Variants in SYN3 observed in about 807,000 individuals in gnomAD.
SYN3 encodes synapsin III, also known as synapsin-3.
SYN3 carries 35 observed loss-of-function variants against 65.8 expected under a neutral mutation model. The ratio of observed to expected loss-of-function variants is 0.53; its 90% CI spans 0.41 to 0.70. The LOEUF (loss-of-function observed/expected upper bound fraction) is 0.70, where lower values mean the gene tolerates loss of function less well. Among genes scored for constraint, SYN3 ranks in the 30% least tolerant of loss-of-function variants. The pLI, the probability that SYN3 is intolerant of heterozygous loss-of-function variation, is 0.00. For missense variants in SYN3, 680 were observed against 749.0 expected (o/e 0.91, Z 1.08); for synonymous variants, 270 against 292.9 (o/e 0.92, Z 0.80).
intron 1 of SYN3, among the ~76,000 whole-genome samples, chr22:33,010,554 T>C (rs1030453668): frequency 2.0e-5 from 3 of 152,232 alleles, no homozygotes; most frequent in Non-Finnish European, 4.4e-5. Context: ...CTTACATTTA[T>C]TGATTGCTAT....
intron 6 of SYN3, among the ~76,000 whole-genome samples, chr22:32,831,173 G>A (rs1048463780): frequency 6.6e-6 from 1 of 152,160 alleles, no homozygotes; most frequent in Non-Finnish European, 1.5e-5. Flanking sequence ...CTTCAGGAGG[G>A]TGTGGGAGCC....
chr22:32,798,764 T>A (rs1404346331), intron 6 of SYN3, among the ~76,000 whole-genome samples: 3 of 139,614 alleles, frequency 2.1e-5, no homozygotes. Flanking sequence ...TGATCTCAGC[T>A]CACTGCAAGC....
Position 32,674,478 on chromosome 22 carries a change from G to A in SYN3, c.712-77742C>T, listed in dbSNP as rs967453487. 5.9e-5 allele frequency among the ~76,000 whole-genome samples: 9 copies of A among 152,320 alleles called. No individual in the cohort carries two copies. The East Asian group carries it at 1.5e-3, about 26-fold the overall frequency. Reference sequence around the variant, plus strand: ...CAGGTAATGCCTATCAGTGCTACCAGTTGCTAGAATAATGCCTGACACACA... The same window carrying A: ...CAGGTAATGCCTATCAGTGCTACCAATTGCTAGAATAATGCCTGACACACA... On this transcript the variant is annotated intron_variant, in intron 6 of 13. Transcript: ENST00000358763.
intron 9 of SYN3, among the ~76,000 whole-genome samples, chr22:32,537,639 A>C (rs778558616): frequency 2.0e-5 from 3 of 152,170 alleles, no homozygotes; most frequent in Non-Finnish European, 4.4e-5. Flanking sequence ...TGGTCTCCTA[A>C]TAATGCTTCC....
Position 32,556,269 on chromosome 22 carries a change from A to G in SYN3, c.775-14556T>C, listed in dbSNP as rs1449394962. Among the ~76,000 whole-genome samples, 3 of 152,236 alleles carry G rather than the reference A, an allele frequency of 2.0e-5. No individual in the cohort carries two copies. In the East Asian group the frequency reaches 5.8e-4, roughly 29 times the overall value. ...CCTAAATAACTACAATTACTTACTA[A>G]TGGGATGTATGTGCTTATTGGGCAG... On this transcript the variant is annotated intron_variant, in intron 7 of 13. Coordinates refer to ENST00000358763, the MANE Select transcript of SYN3 (RefSeq NM_003490.4).
At chr22:32,980,175 C>T (rs1316114609) in intron 3 of SYN3, among the ~76,000 whole-genome samples, 1 of 152,186 alleles carries the variant, frequency 6.6e-6, no homozygotes, top group Admixed American at 6.5e-5. Context: ...TTAATCCCCA[C>T]AATGATATAA....
At chr22:32,998,776 T>TAA (rs34372968) in intron 2 of SYN3, among the ~76,000 whole-genome samples, 6,812 of 81,676 alleles carry the variant, frequency 0.083, 894 homozygotes, top group African/African-American at 0.27. Context: ...ATAGAAATAG[T>TAA]AAAAAAAAAA....
At chr22:32,743,244 C>T (rs3827341) in intron 6 of SYN3, among the ~76,000 whole-genome samples, 85,063 of 151,976 alleles carry the variant, frequency 0.56, 24,150 homozygotes, top group East Asian at 0.68. Context: ...GGGAAGGGGG[C>T]GGCCTTGTGA....
intron 6 of SYN3, among the ~76,000 whole-genome samples, chr22:32,671,646 CAG>C (rs1358815201): frequency 1.1e-5 from 1 of 87,906 alleles, no homozygotes; most frequent in South Asian, 2.8e-4. Flanking sequence ...CGCTCTCACA[CAG>C]ATGCACACAC....
chr22:32,588,714 C>T (rs1199457160), intron 7 of SYN3, among the ~76,000 whole-genome samples: 1 of 152,078 alleles, frequency 6.6e-6, no homozygotes, highest in Non-Finnish European at 1.5e-5. Context: ...ATAGTAAATC[C>T]AGATTTAAAC....
chr22:32,933,974 G>A (rs1601725287), intron 3 of SYN3, among the ~76,000 whole-genome samples: 1 of 152,278 alleles, frequency 6.6e-6, no homozygotes, highest in Middle Eastern at 3.4e-3. Context: ...AGCAAACCGG[G>A]AGTACTTACG....
chr22:32,603,197 C>T (rs2059310191), intron 6 of SYN3, among the ~76,000 whole-genome samples: 1 of 151,946 alleles, frequency 6.6e-6, no homozygotes, highest in African/African-American at 2.4e-5. Flanking sequence ...CATCCTTTCC[C>T]TCCCCCATGT....
rs533248517 is a variant in SYN3, at chr22:32,893,056, C to T, written c.462-23931G>A. 1.7e-4 allele frequency among the ~76,000 whole-genome samples: 26 copies of T among 152,262 alleles called. No homozygotes were observed. The South Asian group carries it at 3.3e-3, about 19-fold the overall frequency. The stretch of plus-strand genomic sequence containing the variant: ...AAAATTAAAAAGATGGGCCCTGCTT[C>T]CTCTGGAGGCAACATGGTAGAATAG... On this transcript the variant is annotated intron_variant, in intron 4 of 13. Transcript: ENST00000358763.
intron 6 of SYN3, among the ~76,000 whole-genome samples, chr22:32,700,201 A>G (rs925976437): frequency 2.0e-5 from 3 of 152,202 alleles, no homozygotes; most frequent in Non-Finnish European, 2.9e-5. Flanking sequence ...GGGATTGACT[A>G]TGGAGACTAT....
At chr22:32,975,738 T>C (rs2052166613) in intron 3 of SYN3, among the ~76,000 whole-genome samples, 1 of 152,248 alleles carries the variant, frequency 6.6e-6, no homozygotes, top group Non-Finnish European at 1.5e-5. Context: ...GCAAATGTAA[T>C]TTCATAAGTC....
chr22:32,904,638 A>G (rs2049853759), intron 4 of SYN3, among the ~76,000 whole-genome samples: 1 of 152,300 alleles, frequency 6.6e-6, no homozygotes, highest in East Asian at 1.9e-4. Context: ...ACCATCTTCC[A>G]AACAGGCAGA....
At chr22:32,847,518 C>G (rs1351681922) in intron 6 of SYN3, among the ~76,000 whole-genome samples, 1 of 152,198 alleles carries the variant, frequency 6.6e-6, no homozygotes, top group East Asian at 1.9e-4. Context: ...GACTTCATGT[C>G]TGACTGCAAG....
chr22:32,728,798 G>A (rs536122669), intron 6 of SYN3, among the ~76,000 whole-genome samples: 1 of 152,332 alleles, frequency 6.6e-6, no homozygotes, highest in East Asian at 1.9e-4. Flanking sequence ...AGGAGTTGAA[G>A]TATTTATCCA....
intron 6 of SYN3, among the ~76,000 whole-genome samples, chr22:32,832,253 C>G (rs115726591): frequency 9.0e-4 from 137 of 152,232 alleles, no homozygotes; most frequent in African/African-American, 3.3e-3. Flanking sequence ...ACAGGAAGCA[C>G]GTGACAACTT....
Sources: gnomAD v4.1 joint callset for allele counts (sites outside exome capture counted in the v4.1 genomes callset) on GRCh38, gnomAD v4.1.1 for gene constraint, MANE v1.5 for transcripts, NCBI Gene and HGNC (gene_info 2026-07-23, HGNC 2026-07-21) for gene names.